The following STAB2 variants were observed in gnomAD, a reference collection of about 807,000 sequenced individuals.
STAB2 encodes the protein stabilin-2.
STAB2 carries 288 observed loss-of-function variants against 338.1 expected under a neutral mutation model. That is an observed-to-expected ratio of 0.85 (90% CI 0.77 to 0.94). The LOEUF (loss-of-function observed/expected upper bound fraction) is 0.94, where lower values mean the gene tolerates loss of function less well. Ranked by LOEUF, STAB2 falls within the 40% of genes least tolerant of loss-of-function variation. The pLI, the probability that STAB2 is intolerant of heterozygous loss-of-function variation, is 0.00. For synonymous variants in STAB2, 1,202 were observed against 1,193.3 expected (o/e 1.01, Z -0.15); for missense variants, 3,141 against 3,210.1 (o/e 0.98, Z 0.52).
intron 35 of STAB2, among the ~76,000 whole-genome samples, 156 bp from the exon 36 acceptor site, chr12:103,704,402 C>A (rs947561528): frequency 1.3e-5 from 2 of 152,208 alleles, no homozygotes; most frequent in African/African-American, 2.4e-5. Context: ...GTGCAAGACC[C>A]AGAGGAGTTG....
chr12:103,689,369 GCTA>G (rs1877721041), intron 28 of STAB2, among the ~76,000 whole-genome samples: 1 of 151,930 alleles, frequency 6.6e-6, no homozygotes, highest in African/African-American at 2.4e-5. Flanking sequence ...TGTAATTCCA[GCTA>G]CTCAGGAGGC....
intron 61 of STAB2, among the ~76,000 whole-genome samples, chr12:103,754,375 C>T (rs756736592): frequency 6.6e-6 from 1 of 152,046 alleles, no homozygotes; most frequent in Non-Finnish European, 1.5e-5. Context: ...GTTTGAATGC[C>T]AGTTGCCAGC....
At chr12:103,602,850 A>C (rs1231910866) in intron 3 of STAB2, among the ~76,000 whole-genome samples, 1 of 152,090 alleles carries the variant, frequency 6.6e-6, no homozygotes, top group African/African-American at 2.4e-5. Context: ...TTGTCTTTCC[A>C]GTCTCGTAAC....
chr12:103,725,405 A>G (rs764923628), intron 45 of STAB2, among the ~76,000 whole-genome samples: 6 of 152,190 alleles, frequency 3.9e-5, no homozygotes, highest in Non-Finnish European at 5.9e-5. Flanking sequence ...CTGTATATCA[A>G]TTTTCCAATC....
intron 3 of STAB2, among the ~76,000 whole-genome samples, chr12:103,610,196 C>T (rs897373648): frequency 7.2e-5 from 11 of 152,002 alleles, no homozygotes; most frequent in Middle Eastern, 6.8e-3. Context: ...ATGATGCTGG[C>T]CTCATAAAAT....
chr12:103,726,895 G>A (rs547868029), intron 46 of STAB2, among the ~76,000 whole-genome samples: 38 of 152,056 alleles, frequency 2.5e-4, no homozygotes, highest in African/African-American at 7.7e-4. Flanking sequence ...ATCAACTCAC[G>A]TTTTATGTTT....
At chr12:103,686,177 C>T (rs1018907161) in intron 27 of STAB2, among the ~76,000 whole-genome samples, 8 of 152,212 alleles carry the variant, frequency 5.3e-5, no homozygotes, top group African/African-American at 1.9e-4. Flanking sequence ...TGCCCCTCCT[C>T]TCTGCTGAAA....
chr12:103,624,841 G>T (rs921253759), intron 5 of STAB2, among the ~76,000 whole-genome samples: 1 of 151,552 alleles, frequency 6.6e-6, no homozygotes, highest in Admixed American at 6.6e-5. Context: ...GGGAGGCTGA[G>T]GCAAGAGAAT....
chr12:103,742,508 G>A lies in STAB2; in HGVS notation c.5985G>A (p.Thr1995=), dbSNP rs766521438. ...ECKCNTGFNG[T]ACEMCWPGRF... ...AATGCAACACCGGCTTCAATGGGAC[G>A]GCGTGTGAGATGTGCTGGCCGGGGA... is the stretch of plus-strand genomic sequence containing the variant. Residue 1995 remains threonine, a synonymous_variant, in exon 56 of 69, where the codon ACG becomes ACA. Transcript: ENST00000388887. 1.2e-5 allele frequency: 20 copies of A among 1,613,962 alleles called. No homozygotes were observed. Among genetic ancestry groups the A allele is most frequent in the East Asian group, 2.2e-5 (1 of 44,884 alleles).
At chr12:103,714,627 C>G (rs1276830311) in intron 42 of STAB2, among the ~76,000 whole-genome samples, 1 of 150,312 alleles carries the variant, frequency 6.7e-6, no homozygotes, top group African/African-American at 2.5e-5. Context: ...GCAGAAGTTG[C>G]AGTGAGCTGA....
chr12:103,713,833 C>T (rs1880081431), intron 42 of STAB2, 65 bp downstream of exon 42: 2 of 1,593,568 alleles, frequency 1.3e-6, no homozygotes, highest in African/African-American at 1.3e-5. Flanking sequence ...TAAATGATTC[C>T]AACGTGTGTG....
At chr12:103,679,670 T>C (rs1876721073) in intron 25 of STAB2, among the ~76,000 whole-genome samples, 1 of 152,206 alleles carries the variant, frequency 6.6e-6, no homozygotes, top group Admixed American at 6.5e-5. Flanking sequence ...AAAACTCAAT[T>C]ACTTGTGGAA....
At chr12:103,711,100 G>T (rs1879814234) in intron 39 of STAB2, among the ~76,000 whole-genome samples, 1 of 152,164 alleles carries the variant, frequency 6.6e-6, no homozygotes, top group Non-Finnish European at 1.5e-5. Context: ...AAACTAGAAA[G>T]AATAGCATAG....
rs1159146141 is a variant in STAB2, at chr12:103,749,034, G to T, written c.6316G>T (p.Val2106Phe). ...CAGATGCTCCCAGAAGGGCACGAAG[G>T]TCTCCTGCAGCTGCCAGAAGGGATA... Reference protein sequence around the residue: ...VARCSQKGTKVSCSCQKGYKG... With the variant: ...VARCSQKGTKFSCSCQKGYKG... The change falls in exon 59 of 69, where the codon GTC becomes TTC. Residue 2106 changes from valine (V) to phenylalanine (F), a missense_variant. Coordinates refer to ENST00000388887, the MANE Select transcript of STAB2 (RefSeq NM_017564.10). 15 of 1,613,990 alleles carry T rather than the reference G, an allele frequency of 9.3e-6. No homozygotes were observed. The highest frequency in any genetic ancestry group is 1.2e-5 in the Non-Finnish European group (14 of 1,180,032).
In STAB2 at chr12:103,620,462, C is replaced by G. The variant is rs1210200779; in HGVS notation, c.332-6C>G. The G allele has an allele frequency of 5.7e-6, 9 of 1,574,650 alleles. No individual in the cohort carries two copies. The highest frequency in any genetic ancestry group is 7.8e-6 in the Non-Finnish European group (9 of 1,158,690). On this transcript the variant is annotated splice_region_variant and splice_polypyrimidine_tract_variant and intron_variant, in intron 3 of 68. Coordinates refer to ENST00000388887, the MANE Select transcript of STAB2 (RefSeq NM_017564.10). Reference sequence around the variant, plus strand: ...ATGAATACATCTGAGCTGTTTGATTCCCTAGAGTGCCCAGGTGGAGCGGGG... The same window carrying G: ...ATGAATACATCTGAGCTGTTTGATTGCCTAGAGTGCCCAGGTGGAGCGGGG...
At chr12:103,696,060 C>T (rs1055723170) in intron 33 of STAB2, among the ~76,000 whole-genome samples, 8 of 152,202 alleles carry the variant, frequency 5.3e-5, no homozygotes, top group African/African-American at 1.9e-4. Context: ...CACACTTGAG[C>T]CTGTATACAC....
intron 42 of STAB2, among the ~76,000 whole-genome samples, chr12:103,714,031 A>G (rs561097563): frequency 6.6e-5 from 10 of 152,364 alleles, no homozygotes; most frequent in African/African-American, 1.9e-4. Context: ...AACTTTTATT[A>G]GTTCCTTTTT....
At chr12:103,631,094 G>T (rs1438078730) in intron 5 of STAB2, among the ~76,000 whole-genome samples, 1 of 152,136 alleles carries the variant, frequency 6.6e-6, no homozygotes, top group Admixed American at 6.5e-5. Context: ...CTGTCACTGG[G>T]CTAAAACATC....
At chr12:103,625,105 G>A (rs1275788112) in intron 5 of STAB2, among the ~76,000 whole-genome samples, 1 of 152,072 alleles carries the variant, frequency 6.6e-6, no homozygotes, top group Non-Finnish European at 1.5e-5. Flanking sequence ...AATCACATAG[G>A]CTAAATAAAT....
Sources: allele counts gnomAD v4.1 joint callset (sites outside exome capture counted in the v4.1 genomes callset), GRCh38; gene constraint gnomAD v4.1.1; transcripts MANE v1.5; gene names NCBI Gene and HGNC (gene_info 2026-07-23, HGNC 2026-07-21).